Variants in EEIG1 observed in about 807,000 individuals in gnomAD.
EEIG1 encodes estrogen-induced osteoclastogenesis regulator 1, also known as early estrogen-induced gene 1 protein.
the EEIG1 span, among the ~76,000 whole-genome samples, chr9:127,958,640 G>A: frequency 6.6e-6 from 1 of 151,810 alleles, no homozygotes; most frequent in Admixed American, 6.6e-5. Flanking sequence ...ACCCCAGCCT[G>A]GGTGACACAG....
chr9:127,947,176 G>A, the EEIG1 span, among the ~76,000 whole-genome samples: 1 of 150,162 alleles, frequency 6.7e-6, no homozygotes, highest in African/African-American at 2.5e-5. Flanking sequence ...GGGAAGCCAA[G>A]GCAGACAGAT....
the EEIG1 span, chr9:127,945,623 G>A: frequency 1.5e-5 from 23 of 1,567,350 alleles, no homozygotes; most frequent in South Asian, 7.0e-5. This position sits in a 1 kb window ranked among gnomAD's most constrained non-coding sequence, Gnocchi z 6.5. Flanking sequence ...AGGAGGCCAC[G>A]GGGGCAGGGC....
chr9:127,971,017 C>T, the EEIG1 span, among the ~76,000 whole-genome samples: 18 of 152,198 alleles, frequency 1.2e-4, no homozygotes, highest in African/African-American at 4.3e-4. Flanking sequence ...AAGAATTTGT[C>T]TGGGGGGAGC....
chr9:127,969,228 G>C, the EEIG1 span, among the ~76,000 whole-genome samples: 1 of 152,230 alleles, frequency 6.6e-6, no homozygotes, highest in African/African-American at 2.4e-5. Context: ...ACTCCTCTGA[G>C]AGACGAATGT....
the EEIG1 span, among the ~76,000 whole-genome samples, chr9:127,969,083 T>C: frequency 6.6e-6 from 1 of 152,176 alleles, no homozygotes; most frequent in Non-Finnish European, 1.5e-5. Flanking sequence ...AAAAAACCCT[T>C]AGGGGCTGCT....
the EEIG1 span, among the ~76,000 whole-genome samples, chr9:127,952,298 C>T: frequency 1.4e-4 from 22 of 152,234 alleles, no homozygotes; most frequent in Admixed American, 1.0e-3. Flanking sequence ...GTGGGAAGGG[C>T]CACGCCCTGT....
At chr9:127,960,598 G>C in the EEIG1 span, among the ~76,000 whole-genome samples, 39 of 152,198 alleles carry the variant, frequency 2.6e-4, no homozygotes, top group African/African-American at 8.4e-4. Flanking sequence ...GGAAGCAGCT[G>C]CTGGAGGCCT....
At chr9:127,947,394 C>T in the EEIG1 span, among the ~76,000 whole-genome samples, 1 of 152,022 alleles carries the variant, frequency 6.6e-6, no homozygotes, top group African/African-American at 2.4e-5. Context: ...TGAGATTGCG[C>T]CACTGCACTC....
At chr9:127,965,912 G>A in the EEIG1 span, among the ~76,000 whole-genome samples, 1 of 152,280 alleles carries the variant, frequency 6.6e-6, no homozygotes, top group African/African-American at 2.4e-5. Context: ...GCATGGCCAG[G>A]ACCTCCTCCT....
chr9:127,942,917 G>A, the EEIG1 span: 5 of 500,074 alleles, frequency 1.0e-5, no homozygotes, highest in Non-Finnish European at 1.5e-5. Flanking sequence ...TTGCCCACAA[G>A]CTGCACGGGC....
chr9:127,955,645 A>G, the EEIG1 span, among the ~76,000 whole-genome samples: 1 of 152,250 alleles, frequency 6.6e-6, no homozygotes, highest in South Asian at 2.1e-4. Context: ...GTGACATTCA[A>G]GCTCAGGATA....
At chr9:127,974,417 G>A in the EEIG1 span, among the ~76,000 whole-genome samples, 1 of 152,104 alleles carries the variant, frequency 6.6e-6, no homozygotes, top group Non-Finnish European at 1.5e-5. Flanking sequence ...GCCTGACCCT[G>A]GGAACAAGTG....
At chr9:127,943,134 G>A in the EEIG1 span, 1 of 1,538,772 alleles carries the variant, frequency 6.5e-7, no homozygotes, top group Non-Finnish European at 9.0e-7. Context: ...CTCATGGAAT[G>A]ATACAGGTCT....
the EEIG1 span, among the ~76,000 whole-genome samples, chr9:127,975,261 C>T: frequency 2.0e-5 from 3 of 152,322 alleles, no homozygotes; most frequent in South Asian, 6.2e-4. Context: ...CCTGTGCCTC[C>T]GGGGCCACCA....
At chr9:127,963,561 T>C in the EEIG1 span, among the ~76,000 whole-genome samples, 2 of 152,258 alleles carry the variant, frequency 1.3e-5, no homozygotes, top group Non-Finnish European at 2.9e-5. Context: ...TGGCTATTTC[T>C]GGGCTGTCTG....
the EEIG1 span, among the ~76,000 whole-genome samples, chr9:127,954,341 A>G: frequency 6.0e-3 from 909 of 152,204 alleles, 35 homozygotes; most frequent in Admixed American, 0.053. Flanking sequence ...AGGCTGGACT[A>G]CTCAGCCCAT....
At chr9:127,944,572 A>C in the EEIG1 span, 6 of 1,334,234 alleles carry the variant, frequency 4.5e-6, no homozygotes, top group South Asian at 1.2e-5. Flanking sequence ...TCTCACCCCC[A>C]AGCCCCAGCC....
chr9:127,961,908 C>T, the EEIG1 span, among the ~76,000 whole-genome samples: 1 of 152,210 alleles, frequency 6.6e-6, no homozygotes, highest in Admixed American at 6.5e-5. Flanking sequence ...AGGCATGGGC[C>T]AGGGAGACTG....
At chr9:127,944,394 C>T in the EEIG1 span, 68 of 598,488 alleles carry the variant, frequency 1.1e-4, no homozygotes, top group Middle Eastern at 4.4e-4. Context: ...GGGAAACCAC[C>T]GAACCTGTCC....
Sources: gnomAD v4.1 joint callset for allele counts (sites outside exome capture counted in the v4.1 genomes callset) on GRCh38, gnomAD v4.1.1 for gene constraint, Gnocchi (gnomAD v3.1) non-coding constraint, MANE v1.5 for transcripts, NCBI Gene and HGNC (gene_info 2026-07-23, HGNC 2026-07-21) for gene names.